POU6F1: variants seen among roughly 807,000 people sequenced by gnomAD.
POU6F1 encodes the protein POU domain, class 6, transcription factor 1.
Under a neutral mutation model 28.9 loss-of-function variants are expected in POU6F1, and 9 were observed. The observed-to-expected ratio is 0.31, with a 90% confidence interval of 0.19 to 0.54. The LOEUF is 0.54. Among genes scored for constraint, POU6F1 ranks in the 20% least tolerant of loss-of-function variants. The pLI is 0.94. For synonymous variants in POU6F1, 173 were observed against 171.1 expected (o/e 1.01, Z -0.09); for missense variants, 338 against 426.1 (o/e 0.79, Z 1.82).
chr12:51,192,595 G>T, intron 8 of POU6F1, 124 bp from the exon 9 acceptor site: 1 of 1,259,644 alleles, frequency 7.9e-7, no homozygotes, highest in Non-Finnish European at 1.1e-6. Flanking sequence ...GGACATTCCC[G>T]CCTGGGCTCT....
rs1942071504 is a variant in POU6F1 at position 51,187,066 on chromosome 12, C to T, written c.*3181G>A. 6.6e-6 allele frequency: 1 copy of T among 152,196 alleles called. No homozygotes were observed. Among genetic ancestry groups the T allele is most frequent in the Non-Finnish European group, 1.5e-5 (1 of 68,042 alleles). 9.4% of individuals were successfully genotyped at this position (152,196 alleles called of 1,614,324 possible). On this transcript the variant is annotated 3_prime_UTR_variant, in exon 11 of 11. Transcript: ENST00000333640. ...GTTGGGAACAGTGAGAACCTCAGTGCCAGAGCCTGGTCCAAGAGGCAGGAA... is the reference window on the plus strand; with the variant it reads ...GTTGGGAACAGTGAGAACCTCAGTGTCAGAGCCTGGTCCAAGAGGCAGGAA...
At chr12:51,197,319 C>T (rs942362278) in intron 6 of POU6F1, among the ~76,000 whole-genome samples, 7 of 152,080 alleles carry the variant, frequency 4.6e-5, no homozygotes, top group Admixed American at 4.6e-4. Flanking sequence ...AAAAGTAACT[C>T]GGGTTAATCT....
At chr12:51,194,824 T>G (rs1213838479) in intron 8 of POU6F1, among the ~76,000 whole-genome samples, 2 of 152,146 alleles carry the variant, frequency 1.3e-5, no homozygotes, top group African/African-American at 4.8e-5. Flanking sequence ...ATTCATAACC[T>G]TCTGAAGTTG....
At position 51,190,359 on chromosome 12, in the gene POU6F1, G is replaced by C. The variant is rs745607971; in HGVS notation, c.1724C>G (p.Thr575Ser). The C allele has an allele frequency of 2.5e-6, 4 of 1,614,150 alleles. No individual in the cohort carries two copies. The highest frequency in any genetic ancestry group is 3.4e-6 in the Non-Finnish European group (4 of 1,180,028). The change falls in exon 11 of 11, where the codon ACT (threonine) becomes AGT (serine). Residue 575 changes from threonine to serine, a missense_variant. This residue lies in a region of POU6F1 where 126 missense variants were observed against 176.5 expected (regional missense o/e 0.71). Transcript: ENST00000333640. This position sits in a 1 kb window ranked among gnomAD's most constrained non-coding sequence, Gnocchi z 4.5. ...GTAGTTGAGCTCCTTAGCAATTTCA[G>C]TGATCTCCTGGCCTGTGGGCAGTGG... Reference protein sequence around the residue: ...KNPLPTGQEITEIAKELNYDR... With the variant: ...KNPLPTGQEISEIAKELNYDR...
chr12:51,210,007 T>G (rs10431487), intron 1 of POU6F1, among the ~76,000 whole-genome samples: 90,879 of 151,902 alleles, frequency 0.6, 28,384 homozygotes, highest in Middle Eastern at 0.71. Flanking sequence ...GCCCAGGCTG[T>G]AATGCAGTGG....
At position 51,196,947 on chromosome 12, in the gene POU6F1, C is replaced by G. The variant is rs944450880; in HGVS notation, c.847-20G>C. On this transcript the variant is annotated intron_variant, in intron 6 of 10. Transcript: ENST00000333640. The stretch of plus-strand genomic sequence containing the variant: ...ACTGATCTGTGGGTGGAGGAAGAGC[C>G]TTGCTCAGAAGCCAAGGGGTGAGAA... The G allele has an allele frequency of 4.0e-5, 59 of 1,483,570 alleles. No homozygotes were observed. The highest frequency in any genetic ancestry group is 4.9e-5 in the Non-Finnish European group (52 of 1,070,240). 91.9% of individuals were successfully genotyped at this position (1,483,570 alleles called of 1,614,324 possible).
rs770407908 is a variant in POU6F1 at position 51,190,637 on chromosome 12, G to A, written c.1491-45C>T. 5 of 1,592,980 alleles carry A rather than the reference G, an allele frequency of 3.1e-6. No homozygotes were observed. Among genetic ancestry groups the A allele is most frequent in the Non-Finnish European group, 4.3e-6 (5 of 1,169,904 alleles). ...AGGAAGAGGCAGTGAGAGCATGTTG[G>A]TCTCTTTGGCACACCCCGCACCTAG... On this transcript the variant is annotated intron_variant, in intron 10 of 10. Transcript: ENST00000333640. This position sits in a 1 kb window ranked among gnomAD's most constrained non-coding sequence, Gnocchi z 4.5.
At chr12:51,214,280 T>C (rs1425006703) in intron 1 of POU6F1, among the ~76,000 whole-genome samples, 1 of 152,184 alleles carries the variant, frequency 6.6e-6, no homozygotes. Context: ...ACCACAATCA[T>C]CTTCATTTTT....
chr12:51,198,477 A>G (rs1057364104), intron 5 of POU6F1, 73 bp downstream of exon 5: 11 of 394,684 alleles, frequency 2.8e-5, no homozygotes, highest in African/African-American at 2.1e-4. Flanking sequence ...TGAGTCCGAC[A>G]TGGCAAGCAC....
At chr12:51,212,998 G>T (rs60033733) in intron 1 of POU6F1, among the ~76,000 whole-genome samples, 10,234 of 151,546 alleles carry the variant, frequency 0.068, 579 homozygotes, top group East Asian at 0.18. Flanking sequence ...GTGCAGCGGC[G>T]GGATCTCGGC....
intron 5 of POU6F1, chr12:51,198,297 C>A: frequency 2.5e-6 from 1 of 395,726 alleles, no homozygotes; most frequent in Admixed American, 4.4e-5. Context: ...TGAGTTCTGG[C>A]GTGGGGGGAG....
chr12:51,201,429 C>G (rs1432406891), intron 3 of POU6F1, among the ~76,000 whole-genome samples: 1 of 151,950 alleles, frequency 6.6e-6, no homozygotes, highest in Non-Finnish European at 1.5e-5. Flanking sequence ...GTAATCCCAG[C>G]ACTTTGGGAG....
Position 51,191,526 on chromosome 12 carries a change from TTCC to T in POU6F1, c.1490+67_1490+69del. 6.5e-6 allele frequency: 10 copies of T among 1,545,656 alleles called. No individual in the cohort carries two copies. In the South Asian group the frequency reaches 1.2e-4, roughly 18 times the overall value. ...TATGGAAAAGGGGCCGGTGCTCAGG[TTCC>T]CATGAGTGCCCGGTGGCACCAGGCA... On this transcript the variant is annotated intron_variant, in intron 10 of 10. Coordinates refer to ENST00000333640, the MANE Select transcript of POU6F1 (RefSeq NM_001330422.2).
chr12:51,192,230 C>G, intron 9 of POU6F1, 100 bp downstream of exon 9: 3 of 1,487,868 alleles, frequency 2.0e-6, no homozygotes, highest in Non-Finnish European at 2.7e-6. Context: ...CCCTTCCCCT[C>G]TGGACCCCAG....
At position 51,189,982 on chromosome 12, in the gene POU6F1, T is replaced by G; in HGVS notation, c.*265A>C. 1 of 510,252 alleles carries G rather than the reference T, an allele frequency of 2.0e-6. No homozygotes were observed. The highest frequency in any genetic ancestry group is 3.4e-6 in the Non-Finnish European group (1 of 294,122). 31.6% of individuals were successfully genotyped at this position (510,252 alleles called of 1,614,324 possible). A position where few individuals can be genotyped will look rare whatever the true frequency, so the allele number is the denominator to read the frequency against. On this transcript the variant is annotated 3_prime_UTR_variant, in exon 11 of 11. Transcript: ENST00000333640. Reference sequence around the variant, plus strand: ...TCAGAAACCATGCTAGCAAGGTGCTTCTCTAAGTGACGTCACAAATCCTCT... The same window carrying G: ...TCAGAAACCATGCTAGCAAGGTGCTGCTCTAAGTGACGTCACAAATCCTCT...
At chr12:51,196,254 G>T in intron 7 of POU6F1, 81 bp from the exon 8 acceptor site, 2 of 1,202,288 alleles carry the variant, frequency 1.7e-6, no homozygotes, top group Non-Finnish European at 2.3e-6. Flanking sequence ...ACACCACCAG[G>T]GGAACAGACT....
chr12:51,196,282 A>G (rs1193139098), intron 7 of POU6F1, 109 bp from the exon 8 acceptor site: 1 of 928,638 alleles, frequency 1.1e-6, no homozygotes, highest in Non-Finnish European at 1.6e-6. Context: ...AAATCCCTCA[A>G]CCTGCTCTGG....
intron 8 of POU6F1, 24 bp from the exon 9 acceptor site, chr12:51,192,495 C>T: frequency 6.2e-7 from 1 of 1,607,200 alleles, no homozygotes. Context: ...GACAACAAGC[C>T]TTTGCTGCCC....
chr12:51,191,815 C>T (rs549920721), intron 9 of POU6F1, 51 bp from the exon 10 acceptor site: 191 of 1,602,860 alleles, frequency 1.2e-4, no homozygotes, highest in South Asian at 3.4e-4. Flanking sequence ...GGAACCATCC[C>T]TGCTTATCTG....
Sources: allele counts gnomAD v4.1 joint callset (sites outside exome capture counted in the v4.1 genomes callset), GRCh38; gene constraint gnomAD v4.1.1; regional missense constraint gnomAD v4.1.1; non-coding constraint Gnocchi (gnomAD v3.1); transcripts MANE v1.5; gene names NCBI Gene and HGNC (gene_info 2026-07-23, HGNC 2026-07-21).